Variants in NEIL2 observed in about 807,000 individuals in gnomAD.
The protein encoded by NEIL2 is nei like DNA glycosylase 2.
NEIL2 carries 23 observed loss-of-function variants against 22.2 expected under a neutral mutation model. The ratio of observed to expected loss-of-function variants is 1.04; its 90% CI spans 0.75 to 1.47. The LOEUF (loss-of-function observed/expected upper bound fraction) is 1.47. NEIL2 is among the 40% of genes most tolerant of loss of function. The pLI, the probability that NEIL2 is intolerant of heterozygous loss-of-function variation, is 0.00. For missense variants in NEIL2, 583 were observed against 404.7 expected (o/e 1.44, Z -3.78); for synonymous variants, 229 against 164.8 (o/e 1.39, Z -2.99).
At chr8:11,782,299 C>T (rs1248241457) in intron 3 of NEIL2, among the ~76,000 whole-genome samples, 2 of 151,954 alleles carry the variant, frequency 1.3e-5, no homozygotes, top group Non-Finnish European at 2.9e-5. Context: ...GTGGTATGCA[C>T]CTGTAATCCC....
At chr8:11,775,038 C>G (rs1803787670) in intron 2 of NEIL2, among the ~76,000 whole-genome samples, 1 of 152,258 alleles carries the variant, frequency 6.6e-6, no homozygotes, top group African/African-American at 2.4e-5. Context: ...ATTCTGGGGT[C>G]TGGAGGACAG....
At chr8:11,784,964 G>A (rs1485709737) in intron 4 of NEIL2, among the ~76,000 whole-genome samples, 1 of 152,096 alleles carries the variant, frequency 6.6e-6, no homozygotes, top group African/African-American at 2.4e-5. Context: ...AACCTCTGTG[G>A]CTCAAGCGAT....
At chr8:11,774,421 C>G (rs1803735614) in intron 2 of NEIL2, among the ~76,000 whole-genome samples, 1 of 152,146 alleles carries the variant, frequency 6.6e-6, no homozygotes. Context: ...GACTTATTTA[C>G]TATCACGAGA....
At chr8:11,772,166 G>C (rs1400653434) in intron 2 of NEIL2, among the ~76,000 whole-genome samples, 5 of 152,124 alleles carry the variant, frequency 3.3e-5, no homozygotes, top group African/African-American at 1.2e-4. Flanking sequence ...TTGTGCTACT[G>C]CACTCCAGCC....
At chr8:11,776,011 G>T (rs1371708510) in intron 2 of NEIL2, among the ~76,000 whole-genome samples, 7 of 152,178 alleles carry the variant, frequency 4.6e-5, no homozygotes, top group Non-Finnish European at 1.0e-4. Context: ...ATTTTTAGAT[G>T]TCTTTACAGC....
rs200789344 is a variant in NEIL2 at position 11,771,583 on chromosome 8, C to A, written c.136C>A (p.Gln46Lys). 1 of 1,613,578 alleles carries A rather than the reference C, an allele frequency of 6.2e-7. No homozygotes were observed. The highest frequency in any genetic ancestry group is 8.5e-7 in the Non-Finnish European group (1 of 1,179,804). ...GCAGTCTCTGTGGCTCCAGGACACC[C>A]AGGTGAGGTAATACTCCTCTGAAGG... ...SLQSLWLQDT[Q>K]VHGKKLFLRF... Residue 46 changes from glutamine (Q) to lysine (K), a missense_variant and splice_region_variant, in exon 2 of 5, where the codon CAG becomes AAG. Physicochemically the swap from Gln to Lys is moderately conservative, Grantham distance 53. Transcript: ENST00000284503.
At chr8:11,771,731 C>G in intron 2 of NEIL2, 146 bp downstream of exon 2, 2 of 782,698 alleles carry the variant, frequency 2.6e-6, no homozygotes, top group Admixed American at 2.7e-5. Flanking sequence ...TTCAGTCTCA[C>G]GTGTCTCAGC....
intron 4 of NEIL2, among the ~76,000 whole-genome samples, chr8:11,785,142 G>T (rs1322499817): frequency 6.6e-6 from 1 of 152,024 alleles, no homozygotes; most frequent in Non-Finnish European, 1.5e-5. Flanking sequence ...AAAGTGCTGG[G>T]ATTACAGGCG....
chr8:11,786,249 G>A lies in NEIL2; in HGVS notation c.975G>A (p.Glu325=). The A allele has an allele frequency of 6.2e-7, 1 of 1,612,568 alleles. No individual in the cohort carries two copies. The highest frequency in any genetic ancestry group is 8.5e-7 in the Non-Finnish European group (1 of 1,179,990). The part of the protein sequence containing the change: ...CPQCQPQLSE[E]PEQCQFS ...AGTGCCAGCCCCAGTTGTCAGAGGA[G>A]CCAGAGCAGTGCCAGTTCTCCTAAG... is the stretch of plus-strand genomic sequence containing the variant. Residue 325 remains glutamate (E), a synonymous_variant, in exon 5 of 5, where the codon GAG becomes GAA. Coordinates refer to ENST00000284503, the MANE Select transcript of NEIL2 (RefSeq NM_145043.4).
intron 2 of NEIL2, among the ~76,000 whole-genome samples, chr8:11,776,775 G>C (rs992879288): frequency 1.3e-5 from 2 of 152,046 alleles, no homozygotes; most frequent in African/African-American, 4.8e-5. Context: ...TCTTCCTTGG[G>C]GCTCCCCTCT....
chr8:11,778,979 C>T (rs1804156155), intron 2 of NEIL2, among the ~76,000 whole-genome samples: 1 of 134,224 alleles, frequency 7.5e-6, no homozygotes, highest in South Asian at 2.5e-4. Flanking sequence ...AGCAGAACAT[C>T]CTTTAACACA....
rs1362889388 is a variant in NEIL2, at chr8:11,769,862, G to A, written c.-476G>A. Reference sequence around the variant, plus strand: ...GAAGTCGGGAGGGGACAGGAAGGGAGGGCGGGCCCCGGGCCCTCCTCCGTC... The same window carrying A: ...GAAGTCGGGAGGGGACAGGAAGGGAAGGCGGGCCCCGGGCCCTCCTCCGTC... On this transcript the variant is annotated 5_prime_UTR_variant, in exon 1 of 5. Coordinates refer to ENST00000284503, the MANE Select transcript of NEIL2 (RefSeq NM_145043.4). 6.6e-6 allele frequency: 1 copy of A among 152,340 alleles called. No homozygotes were observed. Among genetic ancestry groups the A allele is most frequent in the African/African-American group, 2.4e-5 (1 of 41,454 alleles). 9.4% of individuals were successfully genotyped at this position (152,340 alleles called of 1,614,324 possible). A position where few individuals can be genotyped will look rare whatever the true frequency, so the allele number is the denominator to read the frequency against.
chr8:11,780,061 C>A (rs1236167698), intron 3 of NEIL2, 111 bp downstream of exon 3: 2 of 900,390 alleles, frequency 2.2e-6, no homozygotes, highest in Non-Finnish European at 3.5e-6. Context: ...AGTCTGCCCC[C>A]CAGGGCCCTG....
At chr8:11,785,732 C>G (rs1458133346) in intron 4 of NEIL2, among the ~76,000 whole-genome samples, 1 of 152,160 alleles carries the variant, frequency 6.6e-6, no homozygotes, top group Admixed American at 6.5e-5. Context: ...TTTTGATAGC[C>G]TGTTTGCCAT....
intron 4 of NEIL2, among the ~76,000 whole-genome samples, chr8:11,785,065 T>C (rs1804773860): frequency 6.6e-6 from 1 of 152,160 alleles, no homozygotes; most frequent in African/African-American, 2.4e-5. Flanking sequence ...GACAAGAAGC[T>C]CTCACTGTGT....
At position 11,779,902 on chromosome 8, in the gene NEIL2, G is replaced by C; in HGVS notation, c.443G>C (p.Arg148Thr). 2 of 1,614,186 alleles carry C rather than the reference G, an allele frequency of 1.2e-6. No individual in the cohort carries two copies. Among genetic ancestry groups the C allele is most frequent in the Non-Finnish European group, 8.5e-7 (1 of 1,180,032 alleles). The change falls in exon 3 of 5, where the codon AGA (arginine) becomes ACA (threonine). Residue 148 changes from arginine (R) to threonine (T), a missense_variant. Coordinates refer to ENST00000284503, the MANE Select transcript of NEIL2 (RefSeq NM_145043.4). ...FGSVWVNDFS[R>T]AKKANKRGDW... ...AGCGTTTGGGTGAACGATTTCTCCA[G>C]AGCCAAGAAAGCCAACAAGAGGGGG...
chr8:11,773,154 T>G (rs961018664), intron 2 of NEIL2, among the ~76,000 whole-genome samples: 2 of 152,094 alleles, frequency 1.3e-5, no homozygotes, highest in Non-Finnish European at 2.9e-5. Flanking sequence ...AGGGGCAGAA[T>G]TGTCTCTTGT....
intron 3 of NEIL2, chr8:11,782,493 C>G (rs190331115): frequency 9.6e-5 from 15 of 156,328 alleles, no homozygotes; most frequent in Admixed American, 7.9e-4. Flanking sequence ...TGGGCTTAGC[C>G]TAACCTACCT....
chr8:11,784,229 G>GGGAGT (rs1804697233), intron 4 of NEIL2, among the ~76,000 whole-genome samples: 1 of 152,180 alleles, frequency 6.6e-6, no homozygotes, highest in African/African-American at 2.4e-5. Context: ...TTAGGACCAT[G>GGGAGT]GGAGTCCCTG....
Sources: gnomAD v4.1 joint callset for allele counts (sites outside exome capture counted in the v4.1 genomes callset) on GRCh38, gnomAD v4.1.1 for gene constraint, MANE v1.5 for transcripts, NCBI Gene and HGNC (gene_info 2026-07-23, HGNC 2026-07-21) for gene names.